The following SDK2 variants were observed in gnomAD, a reference collection of about 807,000 sequenced individuals.
SDK2 encodes the protein protein sidekick-2.
In SDK2, 105 loss-of-function variants were observed where a neutral mutation model predicts 253.9. That is an observed-to-expected ratio of 0.41 (90% CI 0.35 to 0.49). The LOEUF is 0.49. Ranked by LOEUF, SDK2 falls within the 20% of genes least tolerant of loss-of-function variation. The pLI, the probability that SDK2 is intolerant of heterozygous loss-of-function variation, is 0.06. For synonymous variants in SDK2, 1,249 were observed against 1,234.9 expected (o/e 1.01, Z -0.24); for missense variants, 2,608 against 3,003.0 (o/e 0.87, Z 3.07).
chr17:73,486,740 G>A (rs928039924), intron 2 of SDK2, among the ~76,000 whole-genome samples: 3 of 152,118 alleles, frequency 2.0e-5, no homozygotes, highest in Non-Finnish European at 4.4e-5. Flanking sequence ...GGCCTGGTAG[G>A]GCAGAGTTAA....
chr17:73,425,603 G>C (rs889907308), intron 12 of SDK2, among the ~76,000 whole-genome samples: 5 of 152,108 alleles, frequency 3.3e-5, no homozygotes, highest in Non-Finnish European at 7.4e-5. Context: ...CACCTCCCAG[G>C]TTCAAGTGAT....
intron 3 of SDK2, among the ~76,000 whole-genome samples, chr17:73,457,228 TTCCTTCCTTC>T (rs2063532084): frequency 2.0e-4 from 2 of 9,902 alleles, no homozygotes; most frequent in Non-Finnish European, 4.2e-4. Context: ...TTTCTCTTCC[TTCCTTCCTTC>T]CTTCCTTCCT....
chr17:73,524,827 G>A (rs1007682567), intron 1 of SDK2, among the ~76,000 whole-genome samples: 10 of 152,256 alleles, frequency 6.6e-5, no homozygotes, highest in Admixed American at 6.5e-5. Flanking sequence ...CCACTACAAT[G>A]CATGAAGCGG....
chr17:73,358,696 T>C (rs991573607), intron 39 of SDK2, among the ~76,000 whole-genome samples: 1 of 151,954 alleles, frequency 6.6e-6, no homozygotes, highest in Non-Finnish European at 1.5e-5. Context: ...GAGTCCAGTT[T>C]CTCCCTCCTG....
In SDK2 at chr17:73,550,476, G is replaced by C. The variant is rs577753873; in HGVS notation, c.65-42879C>G. Among the ~76,000 whole-genome samples, 3 of 152,262 alleles carry C rather than the reference G, an allele frequency of 2.0e-5. No homozygotes were observed. The East Asian group carries it at 5.8e-4, about 29-fold the overall frequency. On this transcript the variant is annotated intron_variant, in intron 1 of 44. Coordinates refer to ENST00000392650, the MANE Select transcript of SDK2 (RefSeq NM_001144952.2). ...GCTGGACATGAGCAGCCACTTGTTT[G>C]GAAAGGTGGAGGGCCACGACACAGA...
chr17:73,454,544 T>C (rs927245421), intron 4 of SDK2, among the ~76,000 whole-genome samples: 4 of 152,216 alleles, frequency 2.6e-5, no homozygotes, highest in African/African-American at 9.6e-5. Flanking sequence ...TTTCTGCAGG[T>C]GCTCTGCGGA....
intron 8 of SDK2, among the ~76,000 whole-genome samples, chr17:73,436,558 C>A: frequency 8.4e-6 from 1 of 118,734 alleles, no homozygotes; most frequent in Non-Finnish European, 1.6e-5. Flanking sequence ...GCCTGGGCAA[C>A]AGAGTGAGAC....
chr17:73,526,064 T>C (rs1171759004), intron 1 of SDK2, among the ~76,000 whole-genome samples: 2 of 152,194 alleles, frequency 1.3e-5, no homozygotes, highest in East Asian at 3.9e-4. Context: ...GAGGCACAGC[T>C]TACAGGACCG....
chr17:73,412,031 TATAC>T (rs2063135446), intron 18 of SDK2, among the ~76,000 whole-genome samples: 1 of 124,470 alleles, frequency 8.0e-6, no homozygotes, highest in African/African-American at 3.4e-5. Flanking sequence ...TATATGTATA[TATAC>T]GTATATATAT....
At chr17:73,634,061 C>T (rs934032572) in intron 1 of SDK2, among the ~76,000 whole-genome samples, 1 of 152,082 alleles carries the variant, frequency 6.6e-6, no homozygotes, top group Non-Finnish European at 1.5e-5. Context: ...AGAGCAAGGG[C>T]GTGATAATGA....
chr17:73,551,223 G>A (rs955762813), intron 1 of SDK2, among the ~76,000 whole-genome samples: 3 of 152,142 alleles, frequency 2.0e-5, no homozygotes, highest in Admixed American at 6.5e-5. Context: ...GATGGCGGCC[G>A]GCTCCCCATC....
At chr17:73,462,022 C>T (rs1042210158) in intron 3 of SDK2, among the ~76,000 whole-genome samples, 17 of 151,254 alleles carry the variant, frequency 1.1e-4, no homozygotes, top group African/African-American at 4.1e-4. Context: ...TGTATGTATG[C>T]ATGTATGTTT....
intron 17 of SDK2, 61 bp from the exon 18 acceptor site, chr17:73,414,820 T>C (rs1350132221): frequency 9.1e-7 from 1 of 1,094,076 alleles, no homozygotes; most frequent in Admixed American, 1.7e-5. Flanking sequence ...TCTTGCCCAG[T>C]TCAGTAGAGA....
At position 73,360,650 on chromosome 17, in the gene SDK2, A is replaced by G. The variant is rs569547226; in HGVS notation, c.5467+1034T>C. Among the ~76,000 whole-genome samples, 10 of 152,154 alleles carry G rather than the reference A, an allele frequency of 6.6e-5. No homozygotes were observed. The South Asian group carries it at 2.1e-3, about 32-fold the overall frequency. ...GGAGGGGAAGGGAGGTGAAGAGGAC[A>G]TTTAAAGGAGGCGATTGGGCACAGT... On this transcript the variant is annotated intron_variant, in intron 39 of 44. Coordinates refer to ENST00000392650, the MANE Select transcript of SDK2 (RefSeq NM_001144952.2).
intron 12 of SDK2, among the ~76,000 whole-genome samples, chr17:73,426,701 T>C (rs2063286755): frequency 6.6e-6 from 1 of 152,218 alleles, no homozygotes; most frequent in African/African-American, 2.4e-5. Flanking sequence ...AATTCATCCC[T>C]TTATTTAGAA....
rs1349173767 is a variant in SDK2 at position 73,431,405 on chromosome 17, G to C, written c.1480+97C>G. 8.3e-7 allele frequency: 1 copy of C among 1,207,822 alleles called. No individual in the cohort carries two copies. Among genetic ancestry groups the C allele is most frequent in the Non-Finnish European group, 1.1e-6 (1 of 870,912 alleles). 74.8% of individuals were successfully genotyped at this position (1,207,822 alleles called of 1,614,324 possible). A position where few individuals can be genotyped will look rare whatever the true frequency, so the allele number is the denominator to read the frequency against. ...CTGGGGATGGAGACACTGGTGGTAT[G>C]AGCCTGTGCCCCGTAGCTGTCCTGA... On this transcript the variant is annotated intron_variant, in intron 11 of 44. Transcript: ENST00000392650. This position sits in a 1 kb window ranked among gnomAD's most constrained non-coding sequence, Gnocchi z 5.6.
chr17:73,522,316 A>G lies in SDK2; in HGVS notation c.65-14719T>C, dbSNP rs535855840. On this transcript the variant is annotated intron_variant, in intron 1 of 44. Transcript: ENST00000392650. Reference sequence around the variant, plus strand: ...TGCAGCCACCTCTGCTGCCCACCTCATCCTGGCCTGGCTGCTCATGTGCCT... The same window carrying G: ...TGCAGCCACCTCTGCTGCCCACCTCGTCCTGGCCTGGCTGCTCATGTGCCT... 3.3e-5 allele frequency among the ~76,000 whole-genome samples: 5 copies of G among 152,314 alleles called. No homozygotes were observed. The East Asian group carries it at 9.7e-4, about 29-fold the overall frequency.
At chr17:73,472,399 G>C (rs1490322272) in intron 2 of SDK2, among the ~76,000 whole-genome samples, 181 bp from the exon 3 acceptor site, 1 of 152,198 alleles carries the variant, frequency 6.6e-6, no homozygotes, top group Non-Finnish European at 1.5e-5. Context: ...ATAAATAGGA[G>C]GGTTCCTCCC....
In SDK2 at chr17:73,336,564, C is replaced by A. The variant is rs550067272; in HGVS notation, c.*2023G>T. On this transcript the variant is annotated 3_prime_UTR_variant, in exon 45 of 45. Coordinates refer to ENST00000392650, the MANE Select transcript of SDK2 (RefSeq NM_001144952.2). ...GGGGTCAAGTGCTTCAGGAAAAACT[C>A]ATGGCTGGGTGTGCCCGTTCTTTGG... 7.0e-4 allele frequency: 107 copies of A among 152,856 alleles called. No individual in the cohort carries two copies. The highest frequency in any genetic ancestry group is 7.6e-4 in the Non-Finnish European group (52 of 68,104). The allele number at this position is 152,856 out of a possible 1,614,324, so 9.5% of individuals were successfully genotyped here. A position where few individuals can be genotyped will look rare whatever the true frequency, so the allele number is the denominator to read the frequency against.
Sources: gnomAD v4.1 joint callset for allele counts (sites outside exome capture counted in the v4.1 genomes callset) on GRCh38, gnomAD v4.1.1 for gene constraint, Gnocchi (gnomAD v3.1) non-coding constraint, MANE v1.5 for transcripts, NCBI Gene and HGNC (gene_info 2026-07-23, HGNC 2026-07-21) for gene names.